DCTN6: variants seen among roughly 807,000 people sequenced by gnomAD.
DCTN6 encodes the protein dynactin 6.
DCTN6 carries 15 observed loss-of-function variants against 25.8 expected under a neutral mutation model. That is an observed-to-expected ratio of 0.58 (90% CI 0.39 to 0.89). DCTN6 has a LOEUF of 0.89. Among genes scored for constraint, DCTN6 ranks in the 40% least tolerant of loss-of-function variants. The probability of loss-of-function intolerance (pLI) is 0.00; values close to 1 mark genes in which losing one functional copy is unlikely to be tolerated. For synonymous variants in DCTN6, 64 were observed against 78.3 expected (o/e 0.82, Z 0.96); for missense variants, 198 against 237.6 (o/e 0.83, Z 1.09).
intron 1 of DCTN6, among the ~76,000 whole-genome samples, chr8:30,157,879 T>A (rs1188711155): frequency 6.6e-6 from 1 of 152,222 alleles, no homozygotes; most frequent in East Asian, 1.9e-4. Context: ...TCTTTTTTCA[T>A]AAGCTAAAGA....
At chr8:30,177,038 T>G in intron 3 of DCTN6, 88 bp from the exon 4 acceptor site, 1 of 949,836 alleles carries the variant, frequency 1.1e-6, no homozygotes, top group South Asian at 1.5e-5. Context: ...TAGGTAAAAT[T>G]GAAAGAATTA....
chr8:30,177,441 C>T, intron 4 of DCTN6: 1 of 340,160 alleles, frequency 2.9e-6, no homozygotes, highest in South Asian at 3.7e-5. Flanking sequence ...TGCGGTGGCT[C>T]ATGCCTGTAA....
chr8:30,164,388 T>C (rs1376568235), intron 2 of DCTN6, among the ~76,000 whole-genome samples: 1 of 152,232 alleles, frequency 6.6e-6, no homozygotes, highest in Non-Finnish European at 1.5e-5. Context: ...CTAATGAGGC[T>C]GTATAACAAA....
chr8:30,183,061 C>T lies in DCTN6; in HGVS notation c.475-14C>T, dbSNP rs1259973565. ...GCTTTCTGCCAATCGGCCTTAATTA[C>T]CTTATCTTTTTAGCCCCAGACACTA... On this transcript the variant is annotated splice_polypyrimidine_tract_variant and intron_variant, in intron 6 of 6. Coordinates refer to ENST00000221114, the MANE Select transcript of DCTN6 (RefSeq NM_006571.4). 1 of 1,612,794 alleles carries T rather than the reference C, an allele frequency of 6.2e-7. No homozygotes were observed. Among genetic ancestry groups the T allele is most frequent in the African/African-American group, 1.3e-5 (1 of 74,968 alleles).
At chr8:30,171,197 C>T (rs1053118051) in intron 2 of DCTN6, among the ~76,000 whole-genome samples, 1 of 152,064 alleles carries the variant, frequency 6.6e-6, no homozygotes, top group African/African-American at 2.4e-5. Flanking sequence ...ACTTATCTAG[C>T]AGTGGCAGAG....
At chr8:30,163,703 T>A (rs919332054) in intron 1 of DCTN6, among the ~76,000 whole-genome samples, 1 of 151,662 alleles carries the variant, frequency 6.6e-6, no homozygotes, top group African/African-American at 2.4e-5. Flanking sequence ...TTCCATCTTT[T>A]TTTTTTTTTT....
chr8:30,167,947 C>G (rs1204655805), intron 2 of DCTN6, among the ~76,000 whole-genome samples: 2 of 152,198 alleles, frequency 1.3e-5, no homozygotes, highest in Non-Finnish European at 2.9e-5. Flanking sequence ...ATGATCCACC[C>G]TCCTCGGCCT....
intron 1 of DCTN6, among the ~76,000 whole-genome samples, chr8:30,158,778 CTTTTTT>C (rs34642265): frequency 1.4e-5 from 1 of 70,638 alleles, no homozygotes; most frequent in Non-Finnish European, 2.8e-5. Flanking sequence ...TGCCTGGTTC[CTTTTTT>C]TTTTTTTTTT....
In DCTN6 at chr8:30,175,126, G is replaced by C. The variant is rs2117593410; in HGVS notation, c.130G>C (p.Glu44Gln). 6.2e-7 allele frequency: 1 copy of C among 1,614,130 alleles called. No homozygotes were observed. The highest frequency in any genetic ancestry group is 8.5e-7 in the Non-Finnish European group (1 of 1,180,036). Residue 44 changes from glutamate to glutamine, a missense_variant, in exon 3 of 7, where the codon GAA (glutamate) becomes CAA (glutamine). Transcript: ENST00000221114. ...CCACCCTAAAGCAAGAATTATTGCGGAAGCCGGGCCAATAGTGATTGGCGA... is the reference window on the plus strand; with the variant it reads ...CCACCCTAAAGCAAGAATTATTGCGCAAGCCGGGCCAATAGTGATTGGCGA... ...VIHPKARIIA[E>Q]AGPIVIGEGN... is the part of the protein sequence containing the mutation.
At chr8:30,183,006 G>C (rs1343932872) in intron 6 of DCTN6, 69 bp from the exon 7 acceptor site, 1 of 1,333,062 alleles carries the variant, frequency 7.5e-7, no homozygotes, top group African/African-American at 1.4e-5. Flanking sequence ...GACCCACCAC[G>C]CCTGGTTGCT....
chr8:30,157,215 C>T (rs1803538015), intron 1 of DCTN6, among the ~76,000 whole-genome samples: 1 of 152,140 alleles, frequency 6.6e-6, no homozygotes. Flanking sequence ...TCTGAGTTAT[C>T]GCGTAAGGTA....
At chr8:30,159,144 C>T (rs1043914319) in intron 1 of DCTN6, among the ~76,000 whole-genome samples, 3 of 152,136 alleles carry the variant, frequency 2.0e-5, no homozygotes, top group Admixed American at 1.3e-4. Flanking sequence ...CATTGACTTA[C>T]GCCTTATAAA....
chr8:30,183,184 TA>T lies in DCTN6; in HGVS notation c.*13del, dbSNP rs766433518. Reference sequence around the variant, plus strand: ...CCAGTAAAGAACTAAGAACAGTGTATAACATGAAGATAACATTTTGTCTTTG... The same window carrying T: ...CCAGTAAAGAACTAAGAACAGTGTATACATGAAGATAACATTTTGTCTTTG... On this transcript the variant is annotated 3_prime_UTR_variant, in exon 7 of 7. Transcript: ENST00000221114. 14 of 1,607,594 alleles carry T rather than the reference TA, an allele frequency of 8.7e-6. No homozygotes were observed. In the South Asian group the frequency reaches 1.4e-4, roughly 16 times the overall value.
At chr8:30,179,537 C>A in intron 5 of DCTN6, 82 bp downstream of exon 5, 1 of 1,269,976 alleles carries the variant, frequency 7.9e-7, no homozygotes, top group Non-Finnish European at 1.1e-6. Context: ...CTAATAGAAA[C>A]TGTGGCAAGG....
chr8:30,156,824 C>A (rs1306817628), intron 1 of DCTN6, among the ~76,000 whole-genome samples: 4 of 152,186 alleles, frequency 2.6e-5, no homozygotes, highest in Admixed American at 6.5e-5. Flanking sequence ...TGTTGCGAGA[C>A]CCCCACGCCA....
intron 1 of DCTN6, 69 bp from the exon 2 acceptor site, chr8:30,164,042 G>A: frequency 8.2e-6 from 11 of 1,341,932 alleles, no homozygotes; most frequent in African/African-American, 1.4e-5. Context: ...TCATTACAAT[G>A]TCACGGTAGC....
chr8:30,179,935 C>T (rs1291952336), intron 5 of DCTN6, among the ~76,000 whole-genome samples: 4 of 152,180 alleles, frequency 2.6e-5, no homozygotes, highest in Non-Finnish European at 5.9e-5. Flanking sequence ...AAGAGCTTGT[C>T]CCACCAAGGT....
intron 3 of DCTN6, among the ~76,000 whole-genome samples, chr8:30,175,571 ACTCATGC>A (rs150851046): frequency 0.011 from 1,584 of 150,446 alleles, 35 homozygotes; most frequent in East Asian, 0.057. Flanking sequence ...AAATGTTATT[ACTCATGC>A]CTAAACACGT....
At position 30,179,987 on chromosome 8, in the gene DCTN6, G is replaced by T. The variant is rs530736289; in HGVS notation, c.332-501G>T. On this transcript the variant is annotated intron_variant, in intron 5 of 6. Coordinates refer to ENST00000221114, the MANE Select transcript of DCTN6 (RefSeq NM_006571.4). ...TGATGACAATTCTTTAGAATAGTGG[G>T]TTATCTTTCTTGGTCCTGAGTGGCA... 5.9e-5 allele frequency among the ~76,000 whole-genome samples: 9 copies of T among 152,266 alleles called. No homozygotes were observed. The South Asian group carries it at 1.4e-3, about 25-fold the overall frequency.
Sources: allele counts gnomAD v4.1 joint callset (sites outside exome capture counted in the v4.1 genomes callset), GRCh38; gene constraint gnomAD v4.1.1; transcripts MANE v1.5; gene names NCBI Gene and HGNC (gene_info 2026-07-23, HGNC 2026-07-21).